Variants in WDPCP observed in about 807,000 individuals in gnomAD.
WDPCP encodes WD repeat containing planar cell polarity effector.
WDPCP carries 71 observed loss-of-function variants against 93.1 expected under a neutral mutation model. The ratio of observed to expected loss-of-function variants is 0.76; its 90% CI spans 0.63 to 0.93. The LOEUF is 0.93. Among genes scored for constraint, WDPCP ranks in the 40% least tolerant of loss-of-function variants. The pLI, the probability that WDPCP is intolerant of heterozygous loss-of-function variation, is 0.00. For synonymous variants in WDPCP, 315 were observed against 315.0 expected, an observed-to-expected ratio of 1.00 and a Z score of 0.00; for missense variants, 844 against 887.4, an observed-to-expected ratio of 0.95 and a Z score of 0.62.
intron 2 of WDPCP, chr2:63,752,607 T>A: frequency 1.8e-6 from 1 of 556,508 alleles, no homozygotes; most frequent in Non-Finnish European, 3.2e-6. Context: ...TCAGGCTCTT[T>A]AGGATACTGA....
At chr2:63,438,818 T>G (rs933190065) in intron 7 of WDPCP, among the ~76,000 whole-genome samples, 8 of 152,126 alleles carry the variant, frequency 5.3e-5, no homozygotes, top group Non-Finnish European at 1.2e-4. Flanking sequence ...TCCTTTCCAC[T>G]AGGACATACT....
rs531738008 is a variant in WDPCP at position 63,761,277 on chromosome 2, T to TG, written n.308+52344dup. On this transcript the variant is annotated intron_variant and non_coding_transcript_variant, in intron 2 of 4. Coordinates refer to the WDPCP transcript ENST00000467687. ...TCTCTTGCCCTTCTGCCTCCTGCCA[T>TG]GGGATGACACAGCAAGAAGGTCCTT... 3.5e-4 allele frequency among the ~76,000 whole-genome samples: 54 copies of TG among 152,304 alleles called. No individual in the cohort carries two copies. In the East Asian group the frequency reaches 9.6e-3, roughly 27 times the overall value.
At chr2:63,310,408 C>T (rs565861698) in intron 13 of WDPCP, among the ~76,000 whole-genome samples, 73 of 152,146 alleles carry the variant, frequency 4.8e-4, no homozygotes, top group African/African-American at 1.7e-3. Context: ...AGCCTTGTCT[C>T]GTTTCAGTTT....
intron 1 of WDPCP, among the ~76,000 whole-genome samples, chr2:63,540,395 C>G (rs1175249616): frequency 6.6e-6 from 1 of 152,142 alleles, no homozygotes; most frequent in African/African-American, 2.4e-5. Context: ...ACTGTTCAAA[C>G]AGAGCAGCTT....
chr2:63,594,755 C>T (rs775049503), intron 3 of WDPCP: 2 of 547,518 alleles, frequency 3.7e-6, no homozygotes, highest in Non-Finnish European at 6.5e-6. Flanking sequence ...TATATGTACG[C>T]CTCCAGGCAC....
intron 1 of WDPCP, among the ~76,000 whole-genome samples, chr2:63,570,444 T>C (rs1175552327): frequency 6.6e-6 from 1 of 152,208 alleles, no homozygotes. Flanking sequence ...TTTCCTACTC[T>C]AGGCTGTTGG....
chr2:63,690,593 A>C (rs906319908), intron 2 of WDPCP, among the ~76,000 whole-genome samples: 8 of 152,038 alleles, frequency 5.3e-5, no homozygotes, highest in African/African-American at 1.7e-4. Flanking sequence ...CTCTCTACAA[A>C]AAATACAAAA....
intron 1 of WDPCP, among the ~76,000 whole-genome samples, chr2:63,585,985 C>T (rs528194203): frequency 6.6e-6 from 1 of 151,998 alleles, no homozygotes; most frequent in Non-Finnish European, 1.5e-5. Flanking sequence ...CAACACCACA[C>T]TCAGCTAATT....
At chr2:63,607,831 A>G in intron 3 of WDPCP, among the ~76,000 whole-genome samples, 2 of 151,644 alleles carry the variant, frequency 1.3e-5, no homozygotes, top group Admixed American at 6.6e-5. Flanking sequence ...CGTCTCAAAA[A>G]AAAAAAAAAA....
intron 6 of WDPCP, among the ~76,000 whole-genome samples, chr2:63,445,286 G>A (rs755789855): frequency 2.6e-5 from 4 of 152,096 alleles, no homozygotes; most frequent in Non-Finnish European, 5.9e-5. Context: ...AAATAAACAA[G>A]TATTTTTCTG....
chr2:63,315,714 CAG>C (rs1254166073), intron 12 of WDPCP, among the ~76,000 whole-genome samples: 2 of 151,652 alleles, frequency 1.3e-5, no homozygotes, highest in African/African-American at 2.4e-5. Flanking sequence ...AAGAATAAAA[CAG>C]AACTTTTAGA....
At chr2:63,218,422 T>C (rs1458914872) in intron 14 of WDPCP, among the ~76,000 whole-genome samples, 2 of 152,208 alleles carry the variant, frequency 1.3e-5, no homozygotes, top group Non-Finnish European at 2.9e-5. Flanking sequence ...AAGAAAAGTA[T>C]GATGGGAACA....
In WDPCP at chr2:63,542,411, T is replaced by A. The variant is rs140565460; in HGVS notation, c.75+45786A>T. Among the ~76,000 whole-genome samples the A allele has an allele frequency of 2.3e-3, 345 of 152,342 alleles. 1 individual carries two copies. Among genetic ancestry groups the A allele is most frequent in the Middle Eastern group, 6.8e-3 (2 of 294 alleles). ...TTTCAATCCTCTTTTAAAAGAACGA[T>A]TTCTGAGGTCAGAGGTTACTCCCAT... On this transcript the variant is annotated intron_variant, in intron 1 of 17. Coordinates refer to ENST00000272321, the MANE Select transcript of WDPCP (RefSeq NM_015910.7).
intron 10 of WDPCP, among the ~76,000 whole-genome samples, chr2:63,392,626 C>A (rs1693361552): frequency 2.6e-5 from 4 of 152,010 alleles, no homozygotes; most frequent in Admixed American, 2.6e-4. Flanking sequence ...AAAATTTTTG[C>A]AATCTACCCA....
At chr2:63,500,454 G>GTGGGTGT (rs1553412903) in intron 1 of WDPCP, among the ~76,000 whole-genome samples, 4 of 149,474 alleles carry the variant, frequency 2.7e-5, no homozygotes, top group Admixed American at 2.0e-4. Context: ...ATGGTGTGGG[G>GTGGGTGT]GTGTGTGTGT....
chr2:63,500,839 C>A (rs762015448), intron 1 of WDPCP, among the ~76,000 whole-genome samples: 57 of 152,160 alleles, frequency 3.7e-4, no homozygotes, highest in Non-Finnish European at 6.3e-4. Context: ...AACTAATTGT[C>A]TATAATACTA....
intron 1 of WDPCP, chr2:63,518,272 G>A (rs1437634334): frequency 1.3e-5 from 2 of 152,448 alleles, no homozygotes; most frequent in Non-Finnish European, 2.9e-5. Flanking sequence ...TGGATGAAGG[G>A]ATGGCACTGG....
chr2:63,832,803 A>C (rs1475596329), upstream of WDPCP, among the ~76,000 whole-genome samples: 4 of 152,234 alleles, frequency 2.6e-5, no homozygotes, highest in African/African-American at 9.6e-5. Flanking sequence ...TTGCTCTTAA[A>C]GAGCTTATAG....
intron 14 of WDPCP, among the ~76,000 whole-genome samples, chr2:63,234,795 G>A (rs1401339226): frequency 1.3e-5 from 2 of 152,100 alleles, no homozygotes; most frequent in African/African-American, 2.4e-5. Context: ...CATGGTTTTT[G>A]TTGAGAAGAA....
Sources: allele counts gnomAD v4.1 joint callset (sites outside exome capture counted in the v4.1 genomes callset), GRCh38; gene constraint gnomAD v4.1.1; transcripts MANE v1.5; gene names NCBI Gene and HGNC (gene_info 2026-07-23, HGNC 2026-07-21).